TENM4: variants seen among roughly 807,000 people sequenced by gnomAD.
TENM4 encodes teneurin transmembrane protein 4, also known as teneurin-4.
In TENM4, 82 loss-of-function variants were observed where a neutral mutation model predicts 243.3. The ratio of observed to expected loss-of-function variants is 0.34; its 90% CI spans 0.28 to 0.40. The LOEUF (loss-of-function observed/expected upper bound fraction) is 0.40. Among genes scored for constraint, TENM4 ranks in the 10% least tolerant of loss-of-function variants. The pLI is 1.00. For synonymous variants in TENM4, 1,412 were observed against 1,456.3 expected (o/e 0.97, Z 0.69); for missense variants, 3,138 against 3,673.3 (o/e 0.85, Z 3.77).
chr11:78,760,929 T>C (rs903199299), intron 18 of TENM4, among the ~76,000 whole-genome samples: 1 of 152,238 alleles, frequency 6.6e-6, no homozygotes, highest in African/African-American at 2.4e-5. Context: ...TTATCTTACT[T>C]TAAAATTTCT....
At chr11:78,989,218 A>G (rs1857985558) in intron 6 of TENM4, among the ~76,000 whole-genome samples, 1 of 152,228 alleles carries the variant, frequency 6.6e-6, no homozygotes. Context: ...TATTATTATT[A>G]TGTTCTATTA....
chr11:78,932,338 T>C (rs1856688311), intron 6 of TENM4, among the ~76,000 whole-genome samples: 1 of 152,134 alleles, frequency 6.6e-6, no homozygotes, highest in Admixed American at 6.5e-5. Flanking sequence ...GTTCTGCACA[T>C]CAGTTCAGGG....
intron 2 of TENM4, among the ~76,000 whole-genome samples, chr11:79,220,373 C>T (rs1456158804): frequency 6.6e-6 from 1 of 152,298 alleles, no homozygotes; most frequent in Middle Eastern, 3.4e-3. Flanking sequence ...AGAGGTGGAG[C>T]TTTGGAAGCA....
At chr11:78,776,262 C>T (rs577764895) in intron 17 of TENM4, among the ~76,000 whole-genome samples, 1 of 152,282 alleles carries the variant, frequency 6.6e-6, no homozygotes, top group South Asian at 2.1e-4. Flanking sequence ...CTTATACCCT[C>T]ATGTTAAATT....
chr11:79,262,084 G>T (rs1855807926), intron 2 of TENM4, among the ~76,000 whole-genome samples: 1 of 152,200 alleles, frequency 6.6e-6, no homozygotes, highest in African/African-American at 2.4e-5. Flanking sequence ...GGAGTCTGAA[G>T]TTTCAATGGT....
At chr11:79,409,133 C>T (rs950456836) in intron 1 of TENM4, among the ~76,000 whole-genome samples, 5 of 148,260 alleles carry the variant, frequency 3.4e-5, no homozygotes, top group African/African-American at 1.2e-4. Flanking sequence ...CGCGCACGCA[C>T]ATGCGTGAGA....
intron 13 of TENM4, among the ~76,000 whole-genome samples, chr11:78,813,899 G>A (rs1203626759): frequency 1.3e-5 from 2 of 152,130 alleles, no homozygotes; most frequent in Non-Finnish European, 2.9e-5. Flanking sequence ...CCATTTACAG[G>A]CCAGAGAGAC....
chr11:79,280,568 G>A (rs1188583172), intron 2 of TENM4, among the ~76,000 whole-genome samples: 3 of 152,146 alleles, frequency 2.0e-5, no homozygotes, highest in Non-Finnish European at 4.4e-5. Flanking sequence ...CCTGCTTTAG[G>A]GCTGCTGTAA....
At chr11:79,212,368 C>T (rs189995049) in intron 3 of TENM4, among the ~76,000 whole-genome samples, 2 of 152,218 alleles carry the variant, frequency 1.3e-5, no homozygotes, top group East Asian at 1.9e-4. Flanking sequence ...TGATTTGCAA[C>T]CCCTTTCCAG....
intron 4 of TENM4, among the ~76,000 whole-genome samples, chr11:79,102,004 T>C (rs548666466): frequency 1.1e-4 from 17 of 152,160 alleles, no homozygotes; most frequent in Non-Finnish European, 2.2e-4. Flanking sequence ...AGCAACACTT[T>C]CTACTGGCTT....
chr11:79,136,488 C>A (rs965032122), intron 4 of TENM4, among the ~76,000 whole-genome samples: 11 of 152,134 alleles, frequency 7.2e-5, no homozygotes, highest in African/African-American at 2.7e-4. Flanking sequence ...GTGGCTACAG[C>A]CACTGCTGAG....
At chr11:79,122,700 A>G (rs1423746959) in intron 4 of TENM4, among the ~76,000 whole-genome samples, 2 of 152,194 alleles carry the variant, frequency 1.3e-5, no homozygotes, top group African/African-American at 2.4e-5. Context: ...TGCCTCCATG[A>G]TCAGATCCAA....
At chr11:78,995,218 G>A (rs1404027560) in intron 6 of TENM4, among the ~76,000 whole-genome samples, 3 of 152,158 alleles carry the variant, frequency 2.0e-5, no homozygotes, top group South Asian at 2.1e-4. Flanking sequence ...ACACCGTACC[G>A]GCTGAAAACT....
In TENM4 at chr11:78,707,120, C is replaced by CA. The variant is rs1859275030; in HGVS notation, c.4209+1240dup. ...CCAGAAAGGCTGGAAGCAGGTGACA[C>CA]AGTCAGTGGAAAAGGGCCTGTGTGT... On this transcript the variant is annotated intron_variant, in intron 27 of 33. Coordinates refer to ENST00000278550, the MANE Select transcript of TENM4 (RefSeq NM_001098816.3). Among the ~76,000 whole-genome samples the CA allele has an allele frequency of 2.0e-5, 3 of 152,326 alleles. No homozygotes were observed. The South Asian group carries it at 6.2e-4, about 32-fold the overall frequency.
At chr11:79,350,644 C>T (rs917256854) in intron 1 of TENM4, among the ~76,000 whole-genome samples, 1 of 149,936 alleles carries the variant, frequency 6.7e-6, no homozygotes, top group Non-Finnish European at 1.5e-5. Context: ...CTCACTGTGT[C>T]ACCCAGGCTG....
chr11:78,658,132 C>T lies in TENM4; in HGVS notation c.8236G>A (p.Glu2746Lys), dbSNP rs938188545. ...GYDGFFVISVEQYPELSDSAN... is the reference protein window; with the variant it reads ...GYDGFFVISVKQYPELSDSAN... ...CTGTCTGACAGTTCTGGGTACTGCT[C>T]GACAGAGATCACGAAAAAGCCGTCG... Residue 2746 changes from glutamate to lysine, a missense_variant, in exon 34 of 34, where the codon GAG (glutamate) becomes AAG (lysine). Glu to Lys is a moderately conservative substitution (Grantham distance 56). Around this residue, in one of 2 missense-constraint regions of TENM4, gnomAD observed 2,467 missense variants for 3,059.1 expected, o/e 0.81. Coordinates refer to ENST00000278550, the MANE Select transcript of TENM4 (RefSeq NM_001098816.3). 20 of 1,613,898 alleles carry T rather than the reference C, an allele frequency of 1.2e-5. No individual in the cohort carries two copies. The highest frequency in any genetic ancestry group is 8.9e-5 in the East Asian group (4 of 44,880).
intron 6 of TENM4, among the ~76,000 whole-genome samples, chr11:78,977,415 A>C (rs1857686868): frequency 6.6e-6 from 1 of 152,202 alleles, no homozygotes; most frequent in African/African-American, 2.4e-5. Flanking sequence ...TGGAACTTAC[A>C]CTATAAAAGT....
chr11:79,178,494 T>C (rs1361498447), intron 3 of TENM4, among the ~76,000 whole-genome samples: 1 of 151,790 alleles, frequency 6.6e-6, no homozygotes, highest in Non-Finnish European at 1.5e-5. Context: ...AAGTAGTGAG[T>C]AGTGTGGTGA....
In TENM4 at chr11:79,187,451, T is replaced by C. The variant is rs149557612; in HGVS notation, c.-163+28357A>G. ...CAGAAAGTGCTTCCTAAATAACCTT[T>C]TGTCAATAGTGGTTTGAATTAAGAC... On this transcript the variant is annotated intron_variant, in intron 3 of 33. Transcript: ENST00000278550. 4.0e-3 allele frequency among the ~76,000 whole-genome samples: 610 copies of C among 152,290 alleles called. 7 individuals carry two copies. Among genetic ancestry groups the C allele is most frequent in the African/African-American group, 0.013 (530 of 41,558 alleles).
Sources: gnomAD v4.1 joint callset for allele counts (sites outside exome capture counted in the v4.1 genomes callset) on GRCh38, gnomAD v4.1.1 for gene constraint, gnomAD v4.1.1 regional missense constraint, MANE v1.5 for transcripts, NCBI Gene and HGNC (gene_info 2026-07-23, HGNC 2026-07-21) for gene names.